The following FAM184A variants were observed in gnomAD, a reference collection of about 807,000 sequenced individuals.
FAM184A encodes family with sequence similarity 184 member A.
A neutral mutation model predicts 143.8 loss-of-function variants in FAM184A; 99 were observed. The observed-to-expected ratio is 0.69, with a 90% CI of 0.58 to 0.81. The LOEUF (loss-of-function observed/expected upper bound fraction) is 0.81, where lower values mean the gene tolerates loss of function less well. FAM184A is among the 40% of genes least tolerant of loss of function. The pLI is 0.00. For synonymous variants in FAM184A, 427 were observed against 446.4 expected (o/e 0.96, Z 0.55); for missense variants, 1,217 against 1,310.5 (o/e 0.93, Z 1.10).
intron 1 of FAM184A, among the ~76,000 whole-genome samples, chr6:119,043,054 C>T (rs1281186815): frequency 6.6e-6 from 1 of 151,916 alleles, no homozygotes; most frequent in Non-Finnish European, 1.5e-5. Flanking sequence ...TTCACATTGA[C>T]ATTTGGGTGT....
Position 119,034,651 on chromosome 6 carries a change from T to C in FAM184A, c.160-9838A>G, listed in dbSNP as rs181854429. On this transcript the variant is annotated intron_variant, in intron 1 of 17. Coordinates refer to ENST00000338891, the MANE Select transcript of FAM184A (RefSeq NM_024581.6). ...TTTTTAGAGAGCCTAGGCTGGATAT[T>C]TTCTAGAATGCATATATTTTTATAG... is the stretch of plus-strand genomic sequence containing the variant. Among the ~76,000 whole-genome samples the C allele has an allele frequency of 1.4e-4, 21 of 152,070 alleles. No homozygotes were observed. In the South Asian group the frequency reaches 4.2e-3, roughly 30 times the overall value.
rs1783975050 is a variant in FAM184A, at chr6:118,980,089, A to G, written c.2301+49T>C. On this transcript the variant is annotated intron_variant, in intron 10 of 17. Coordinates refer to ENST00000338891, the MANE Select transcript of FAM184A (RefSeq NM_024581.6). ...AATTTTTTTAATTTGAAGACTAATT[A>G]TTATTAGGCAGTTGGGTTACATTTG... The G allele has an allele frequency of 4.0e-6, 6 of 1,516,720 alleles. No individual in the cohort carries two copies. In the South Asian group the frequency reaches 7.1e-5, roughly 18 times the overall value. The allele number at this position is 1,516,720 out of a possible 1,614,324, so 94.0% of individuals were successfully genotyped here.
At chr6:119,001,253 A>G (rs752590630) in intron 9 of FAM184A, among the ~76,000 whole-genome samples, 1 of 151,012 alleles carries the variant, frequency 6.6e-6, no homozygotes, top group Non-Finnish European at 1.5e-5. Context: ...TGCAACAGCT[A>G]CTTGCCAGTT....
chr6:118,996,667 C>T (rs1006793775), intron 9 of FAM184A, among the ~76,000 whole-genome samples: 1 of 152,116 alleles, frequency 6.6e-6, no homozygotes, highest in Non-Finnish European at 1.5e-5. Flanking sequence ...TCACTATCTG[C>T]TGTCACTGCT....
chr6:119,040,688 T>A (rs935519329), intron 1 of FAM184A, among the ~76,000 whole-genome samples: 1 of 152,192 alleles, frequency 6.6e-6, no homozygotes, highest in Admixed American at 6.5e-5. Flanking sequence ...CTGGCTTTGC[T>A]GGCTTTTCAT....
At chr6:119,015,873 G>A (rs1164380811) in intron 5 of FAM184A, among the ~76,000 whole-genome samples, 1 of 152,230 alleles carries the variant, frequency 6.6e-6, no homozygotes, top group African/African-American at 2.4e-5. Flanking sequence ...TTAGCTCAAG[G>A]TTTGTGAGTG....
At chr6:119,133,058 T>G (rs922487308) in intron 1 of FAM184A, among the ~76,000 whole-genome samples, 2 of 152,226 alleles carry the variant, frequency 1.3e-5, no homozygotes, top group African/African-American at 4.8e-5. Context: ...AAATCTTATT[T>G]GATTCTGCTT....
rs1462991849 is a variant in FAM184A at position 118,970,006 on chromosome 6, A to T, written c.2916-3054T>A. 2.3e-3 allele frequency among the ~76,000 whole-genome samples: 48 copies of T among 20,490 alleles called. 11 individuals carry two copies. The highest frequency in any genetic ancestry group is 0.017 in the Admixed American group (25 of 1,474). 13.4% of individuals were successfully genotyped at this position (20,490 alleles called of 152,430 possible). A position where few individuals can be genotyped will look rare whatever the true frequency, so the allele number is the denominator to read the frequency against. On this transcript the variant is annotated intron_variant, in intron 14 of 17. Transcript: ENST00000338891. ...GTATATATATATAATATATATATAT[A>T]TATTTTTTTTTTTTTGAGATGGAGT...
chr6:119,134,840 A>G (rs1452267668), intron 1 of FAM184A, among the ~76,000 whole-genome samples: 1 of 152,158 alleles, frequency 6.6e-6, no homozygotes, highest in Non-Finnish European at 1.5e-5. Context: ...GGGGCATTAA[A>G]TCATGTTGGC....
At chr6:119,107,792 A>AAGAAAG (rs10656132) in intron 1 of FAM184A, among the ~76,000 whole-genome samples, 3,982 of 136,416 alleles carry the variant, frequency 0.029, 238 homozygotes, top group African/African-American at 0.1. Flanking sequence ...AAAAAAAAAA[A>AAGAAAG]AAAGAAAGAA....
chr6:118,985,129 G>A (rs909845603), intron 9 of FAM184A, among the ~76,000 whole-genome samples: 7 of 152,176 alleles, frequency 4.6e-5, no homozygotes, highest in Admixed American at 2.6e-4. Flanking sequence ...CCTAGATCAT[G>A]TGTAAATGGC....
chr6:118,993,093 T>C (rs1430827903), intron 9 of FAM184A, among the ~76,000 whole-genome samples: 2 of 152,230 alleles, frequency 1.3e-5, no homozygotes, highest in Non-Finnish European at 2.9e-5. Flanking sequence ...AAGCATTCTA[T>C]ATGAGTAAGA....
Position 119,146,024 on chromosome 6 carries a change from T to C in FAM184A, c.-202+3054A>G, listed in dbSNP as rs182626691. ...GGTATTTCCCCAAATGTGGCACTAG[T>C]ACCACTAGCGGCATAGGAGACCATC... On this transcript the variant is annotated intron_variant, in intron 1 of 16. Coordinates refer to the FAM184A transcript ENST00000352896. Among the ~76,000 whole-genome samples the C allele has an allele frequency of 3.2e-4, 49 of 152,332 alleles. 1 individual carries two copies. Among genetic ancestry groups the C allele is most frequent in the Admixed American group, 2.9e-3 (45 of 15,302 alleles).
At chr6:118,979,251 A>T in intron 11 of FAM184A, 114 bp downstream of exon 11, 1 of 971,332 alleles carries the variant, frequency 1.0e-6, no homozygotes, top group Non-Finnish European at 1.5e-6. Flanking sequence ...ACACTTAGAT[A>T]TTCATTTTGA....
rs1243248751 is a variant in FAM184A at position 119,122,343 on chromosome 6, TA to T, written c.-202+26734del. Among the ~76,000 whole-genome samples, 17 of 152,076 alleles carry T rather than the reference TA, an allele frequency of 1.1e-4. No homozygotes were observed. In the East Asian group the frequency reaches 2.5e-3, roughly 22 times the overall value. On this transcript the variant is annotated intron_variant, in intron 1 of 16. Transcript: ENST00000352896. ...TTTTTATGCCTCTGCTGTGTTAACT[TA>T]AAAAAAATACAATTTATCAATTTAG...
chr6:119,108,638 A>G (rs1285947528), intron 1 of FAM184A, among the ~76,000 whole-genome samples: 1 of 152,170 alleles, frequency 6.6e-6, no homozygotes, highest in Non-Finnish European at 1.5e-5. Flanking sequence ...TGGATTGAAA[A>G]TGACAGTACC....
chr6:118,978,677 A>G (rs1783920963), intron 11 of FAM184A, among the ~76,000 whole-genome samples: 1 of 152,144 alleles, frequency 6.6e-6, no homozygotes, highest in Admixed American at 6.5e-5. Flanking sequence ...TATTGATAAC[A>G]CTTCAGTCTT....
chr6:119,046,608 C>T (rs1043365919), intron 1 of FAM184A, among the ~76,000 whole-genome samples: 5 of 151,922 alleles, frequency 3.3e-5, no homozygotes, highest in African/African-American at 1.2e-4. Flanking sequence ...TTTTACTATG[C>T]CCATGCAATT....
chr6:119,036,502 A>T (rs775339921), intron 1 of FAM184A, among the ~76,000 whole-genome samples: 1 of 152,030 alleles, frequency 6.6e-6, no homozygotes, highest in Non-Finnish European at 1.5e-5. Context: ...ATATTGATAA[A>T]GTCTAATAAT....
Sources: allele counts gnomAD v4.1 joint callset (sites outside exome capture counted in the v4.1 genomes callset), GRCh38; gene constraint gnomAD v4.1.1; transcripts MANE v1.5; gene names NCBI Gene and HGNC (gene_info 2026-07-23, HGNC 2026-07-21).